Variants in TCTN3 observed in about 807,000 individuals in gnomAD.
TCTN3 encodes tectonic-3.
In TCTN3, 57 loss-of-function variants were observed where a neutral mutation model predicts 71.3. The ratio of observed to expected loss-of-function variants is 0.80; its 90% CI spans 0.65 to 1.00. The LOEUF is 1.00. TCTN3 is among the 50% of genes least tolerant of loss of function. TCTN3 has a pLI of 0.00. For synonymous variants in TCTN3, 258 were observed against 267.8 expected, an observed-to-expected ratio of 0.96 and a Z score of 0.36; for missense variants, 696 against 719.9, an observed-to-expected ratio of 0.97 and a Z score of 0.38.
chr10:95,668,636 A>G (rs941859938), intron 13 of TCTN3, among the ~76,000 whole-genome samples: 6 of 140,574 alleles, frequency 4.3e-5, no homozygotes, highest in African/African-American at 1.5e-4. Context: ...AATACTTTAC[A>G]TGCATCTTCC....
Position 95,687,603 on chromosome 10 carries a change from AT to A in TCTN3, c.615del (p.Ser206LeufsTer18), listed in dbSNP as rs2097949677. On this transcript the variant is annotated frameshift_variant, in exon 4 of 14. Transcript: ENST00000371217. LOFTEE classifies it high-confidence loss of function. Reference protein sequence around the residue: ...FTSTFQTQSPPSFYRAGDPIL... With the variant: ...FTSTFQTQSPXSFYRAGDPIL... ...TTCCCCAGGCTCACCCTGTAAAAAGATGGTGGTGATTGAGTTTGGAATGTTG... is the reference window on the plus strand; with the variant it reads ...TTCCCCAGGCTCACCCTGTAAAAAGAGGTGGTGATTGAGTTTGGAATGTTG... 10 of 1,613,572 alleles carry A rather than the reference AT, an allele frequency of 6.2e-6. No homozygotes were observed. Among genetic ancestry groups the A allele is most frequent in the Non-Finnish European group, 8.5e-6 (10 of 1,179,960 alleles).
At position 95,686,494 on chromosome 10, in the gene TCTN3, C is replaced by G. The variant is rs771330653; in HGVS notation, c.888+1G>C. On this transcript the variant is annotated splice_donor_variant, in intron 7 of 13. Coordinates refer to ENST00000371217, the MANE Select transcript of TCTN3 (RefSeq NM_015631.6). LOFTEE classifies it high-confidence loss of function. Reference sequence around the variant, plus strand: ...TTTTTCCTGGTACAACAGCATCATACCTCCATATTCTGTGGATCAGTCATG... The same window carrying G: ...TTTTTCCTGGTACAACAGCATCATAGCTCCATATTCTGTGGATCAGTCATG... 1 of 1,614,050 alleles carries G rather than the reference C, an allele frequency of 6.2e-7. No homozygotes were observed. Among genetic ancestry groups the G allele is most frequent in the Non-Finnish European group, 8.5e-7 (1 of 1,179,964 alleles).
chr10:95,680,778 C>CTTTT (rs906355850), intron 12 of TCTN3, among the ~76,000 whole-genome samples, 169 bp from the exon 13 acceptor site: 5 of 134,294 alleles, frequency 3.7e-5, no homozygotes, highest in African/African-American at 5.5e-5. Flanking sequence ...TATTCCTGAT[C>CTTTT]TTTTTTTTTT....
chr10:95,669,458 T>A (rs181655868), intron 13 of TCTN3, among the ~76,000 whole-genome samples: 3 of 152,320 alleles, frequency 2.0e-5, no homozygotes, highest in African/African-American at 7.2e-5. Flanking sequence ...ACCTGTGGCA[T>A]CTCTAAATCT....
At chr10:95,692,075 T>G (rs2097954010) in intron 3 of TCTN3, among the ~76,000 whole-genome samples, 1 of 152,242 alleles carries the variant, frequency 6.6e-6, no homozygotes, top group Admixed American at 6.5e-5. Context: ...CACTGGGGAT[T>G]CAGTTAGTAC....
intron 13 of TCTN3, among the ~76,000 whole-genome samples, chr10:95,673,810 A>C (rs1224045712): frequency 6.6e-6 from 1 of 152,244 alleles, no homozygotes; most frequent in East Asian, 1.9e-4. Flanking sequence ...ACTTCACTCC[A>C]GCCTGGGCTG....
intron 9 of TCTN3, among the ~76,000 whole-genome samples, chr10:95,684,137 T>C (rs1052679580): frequency 2.6e-5 from 4 of 152,026 alleles, no homozygotes; most frequent in African/African-American, 9.7e-5. Flanking sequence ...TCAGATTAAG[T>C]GGGAAATGAG....
intron 2 of TCTN3, 137 bp from the exon 3 acceptor site, chr10:95,693,175 C>G (rs2097955257): frequency 4.0e-6 from 5 of 1,236,860 alleles, no homozygotes; most frequent in Non-Finnish European, 5.6e-6. Flanking sequence ...AGGTCTTATT[C>G]TACTGGCCAG....
chr10:95,669,466 T>C (rs944144668), intron 13 of TCTN3, among the ~76,000 whole-genome samples: 4 of 152,184 alleles, frequency 2.6e-5, no homozygotes, highest in African/African-American at 9.7e-5. Flanking sequence ...CATCTCTAAA[T>C]CTGAATTCTG....
rs927310199 is a variant in TCTN3 at position 95,664,125 on chromosome 10, G to C, written c.1766C>G (p.Ser589Cys). The C allele has an allele frequency of 6.2e-7, 1 of 1,614,190 alleles. No individual in the cohort carries two copies. The change falls in exon 14 of 14, where the codon TCT (serine) becomes TGT (cysteine). Residue 589 changes from serine to cysteine, a missense_variant. Transcript: ENST00000371217. Reference protein sequence around the residue: ...RGVFSQKCSVSPILILCLLLL... With the variant: ...RGVFSQKCSVCPILILCLLLL... ...TAAGAGGCACAGGATAAGGATGGGA[G>C]AGACTGAGCATTTTTGAGAGAATAC...
chr10:95,688,742 A>T (rs779362617), intron 3 of TCTN3, among the ~76,000 whole-genome samples: 23 of 152,320 alleles, frequency 1.5e-4, no homozygotes, highest in Non-Finnish European at 2.5e-4. Flanking sequence ...TCTAATTTCT[A>T]TGATAGCAAT....
At chr10:95,676,497 G>A (rs1034180236) in intron 13 of TCTN3, among the ~76,000 whole-genome samples, 2 of 152,174 alleles carry the variant, frequency 1.3e-5, no homozygotes, top group Middle Eastern at 3.4e-3. Flanking sequence ...GAGTCACCGC[G>A]CCCGGCCAGA....
At chr10:95,688,743 T>C (rs1462275061) in intron 3 of TCTN3, among the ~76,000 whole-genome samples, 1 of 152,222 alleles carries the variant, frequency 6.6e-6, no homozygotes, top group Non-Finnish European at 1.5e-5. Context: ...CTAATTTCTA[T>C]GATAGCAATG....
At chr10:95,690,500 A>G (rs1199410275) in intron 3 of TCTN3, among the ~76,000 whole-genome samples, 2 of 152,240 alleles carry the variant, frequency 1.3e-5, no homozygotes, top group Non-Finnish European at 2.9e-5. Context: ...CGTGGAAAAT[A>G]TAGGTATTTC....
intron 13 of TCTN3, among the ~76,000 whole-genome samples, chr10:95,679,833 G>GCC (rs1589611144): frequency 6.6e-6 from 1 of 151,782 alleles, no homozygotes; most frequent in East Asian, 1.9e-4. Context: ...CTCGTGATCC[G>GCC]CCCGCCTCGG....
In TCTN3 at chr10:95,692,858, G is replaced by A. The variant is rs936275128; in HGVS notation, c.499+62C>T. The A allele has an allele frequency of 4.8e-6, 6 of 1,255,208 alleles. No homozygotes were observed. In the African/African-American group the frequency reaches 7.4e-5, roughly 15 times the overall value. 77.8% of individuals were successfully genotyped at this position (1,255,208 alleles called of 1,614,324 possible). ...CAATTCTTCTTCCAATGTGGGCCAG[G>A]GAAGACAAAATATAACACTCCTGTG... On this transcript the variant is annotated intron_variant, in intron 3 of 13. Coordinates refer to ENST00000371217, the MANE Select transcript of TCTN3 (RefSeq NM_015631.6).
Position 95,663,835 on chromosome 10 carries a change from C to A in TCTN3, c.*232G>T. 2.2e-6 allele frequency: 1 copy of A among 453,272 alleles called. No individual in the cohort carries two copies. Among genetic ancestry groups the A allele is most frequent in the Non-Finnish European group, 4.0e-6 (1 of 249,826 alleles). 28.1% of individuals were successfully genotyped at this position (453,272 alleles called of 1,614,324 possible). A position where few individuals can be genotyped will look rare whatever the true frequency, so the allele number is the denominator to read the frequency against. On this transcript the variant is annotated 3_prime_UTR_variant, in exon 14 of 14. Transcript: ENST00000371217. The stretch of plus-strand genomic sequence containing the variant: ...CCTTCCCAGCTTGAGAAGTAGGGGC[C>A]TCATGTGTATCTGGTGGCCTGCAGA...
At chr10:95,675,385 C>A (rs1044476006) in intron 13 of TCTN3, among the ~76,000 whole-genome samples, 3 of 152,056 alleles carry the variant, frequency 2.0e-5, no homozygotes, top group African/African-American at 4.8e-5. Flanking sequence ...AGCCACCATG[C>A]CTGGCCGGTT....
In TCTN3 at chr10:95,680,698, T is replaced by C; in HGVS notation, c.1453-89A>G. ...GTACTAAGCCATTGTTTCTTAAGCA[T>C]TATTCAGTAATAAGGAAGGCAATGT... On this transcript the variant is annotated intron_variant, in intron 12 of 13. Coordinates refer to ENST00000371217, the MANE Select transcript of TCTN3 (RefSeq NM_015631.6). The C allele has an allele frequency of 4.0e-6, 6 of 1,493,438 alleles. No homozygotes were observed. In the South Asian group the frequency reaches 7.9e-5, roughly 20 times the overall value. 92.5% of individuals were successfully genotyped at this position (1,493,438 alleles called of 1,614,324 possible). A position where few individuals can be genotyped will look rare whatever the true frequency, so the allele number is the denominator to read the frequency against.
Sources: allele counts gnomAD v4.1 joint callset (sites outside exome capture counted in the v4.1 genomes callset), GRCh38; gene constraint gnomAD v4.1.1; transcripts MANE v1.5; gene names NCBI Gene and HGNC (gene_info 2026-07-23, HGNC 2026-07-21).